PARP8: variants seen among roughly 807,000 people sequenced by gnomAD.
PARP8 encodes poly(ADP-ribose) polymerase family member 8.
In PARP8, 51 loss-of-function variants were observed where a neutral mutation model predicts 124.1. The ratio of observed to expected loss-of-function variants is 0.41; its 90% CI spans 0.33 to 0.52. The LOEUF (loss-of-function observed/expected upper bound fraction) is 0.52. Among genes scored for constraint, PARP8 ranks in the 20% least tolerant of loss-of-function variants. PARP8 has a pLI of 0.21. For synonymous variants in PARP8, 391 were observed against 361.5 expected (o/e 1.08, Z -0.93); for missense variants, 860 against 1,018.9 (o/e 0.84, Z 2.12).
chr5:50,783,260 T>G (rs993501240), intron 9 of PARP8, among the ~76,000 whole-genome samples: 6 of 152,088 alleles, frequency 3.9e-5, no homozygotes, highest in African/African-American at 1.4e-4. Flanking sequence ...TTGATTCTCT[T>G]TCTCTTTCTC....
intron 7 of PARP8, among the ~76,000 whole-genome samples, chr5:50,764,938 CAT>C (rs776390816): frequency 5.9e-5 from 9 of 151,490 alleles, no homozygotes; most frequent in Admixed American, 1.3e-4. Flanking sequence ...CATAATACAA[CAT>C]AGACTTCAAC....
At chr5:50,780,742 A>G (rs1189546151) in intron 9 of PARP8, among the ~76,000 whole-genome samples, 2 of 152,164 alleles carry the variant, frequency 1.3e-5, no homozygotes, top group African/African-American at 4.8e-5. Flanking sequence ...ATACCTGATA[A>G]TGACTTTTTG....
At chr5:50,807,458 CA>C (rs1743981471) in intron 14 of PARP8, among the ~76,000 whole-genome samples, 1 of 152,038 alleles carries the variant, frequency 6.6e-6, no homozygotes, top group Admixed American at 6.6e-5. Context: ...AAACCAAATG[CA>C]TAGTTCTCTC....
chr5:50,753,343 G>A (rs1416183495), intron 3 of PARP8, among the ~76,000 whole-genome samples: 3 of 151,992 alleles, frequency 2.0e-5, no homozygotes, highest in Admixed American at 1.3e-4. Flanking sequence ...AAAGAGTCTT[G>A]ACCTACATGA....
At chr5:50,681,485 G>A (rs1342734990) in intron 2 of PARP8, among the ~76,000 whole-genome samples, 1 of 151,854 alleles carries the variant, frequency 6.6e-6, no homozygotes, top group African/African-American at 2.4e-5. Flanking sequence ...CATGAGGGAT[G>A]GTAACATTCC....
chr5:50,762,776 A>T (rs940805040), intron 6 of PARP8, among the ~76,000 whole-genome samples: 1 of 152,198 alleles, frequency 6.6e-6, no homozygotes, highest in African/African-American at 2.4e-5. Flanking sequence ...TACCAGTATA[A>T]CATTTTAACA....
chr5:50,820,256 CT>C (rs1474235195), intron 15 of PARP8, among the ~76,000 whole-genome samples: 1 of 152,182 alleles, frequency 6.6e-6, no homozygotes, highest in Non-Finnish European at 1.5e-5. Context: ...CCCCCTCTTA[CT>C]GTGCATTTTT....
At chr5:50,721,808 A>T (rs896330040) in intron 2 of PARP8, among the ~76,000 whole-genome samples, 30 of 152,130 alleles carry the variant, frequency 2.0e-4, no homozygotes, top group African/African-American at 7.2e-4. Flanking sequence ...ATTGGTTGGT[A>T]AGAACTCATG....
chr5:50,675,422 A>C (rs1420133669), intron 2 of PARP8, among the ~76,000 whole-genome samples: 1 of 152,128 alleles, frequency 6.6e-6, no homozygotes, highest in Non-Finnish European at 1.5e-5. Context: ...CTCCCGTCTC[A>C]GTCTCTCAAG....
intron 2 of PARP8, among the ~76,000 whole-genome samples, chr5:50,701,962 GT>G (rs1753644203): frequency 6.6e-6 from 1 of 152,104 alleles, no homozygotes; most frequent in African/African-American, 2.4e-5. Context: ...TAATTGGGGA[GT>G]TATAATCATT....
intron 14 of PARP8, among the ~76,000 whole-genome samples, chr5:50,812,863 T>C (rs1744623003): frequency 1.3e-5 from 2 of 152,184 alleles, no homozygotes; most frequent in Non-Finnish European, 2.9e-5. Context: ...CCTTTCCCTA[T>C]TTCTTGTTTT....
chr5:50,712,673 T>G (rs1754888179), intron 2 of PARP8, among the ~76,000 whole-genome samples: 1 of 151,978 alleles, frequency 6.6e-6, no homozygotes, highest in Non-Finnish European at 1.5e-5. Flanking sequence ...AGGGATGAGA[T>G]AAAGCAGCAA....
At chr5:50,772,672 C>G (rs1329829368) in intron 7 of PARP8, among the ~76,000 whole-genome samples, 1 of 151,876 alleles carries the variant, frequency 6.6e-6, no homozygotes, top group Non-Finnish European at 1.5e-5. Flanking sequence ...ACATTCGGGT[C>G]TTTTGCCTTT....
At chr5:50,667,581 C>T (rs1165485982) in intron 1 of PARP8, 1 of 698,892 alleles carries the variant, frequency 1.4e-6, no homozygotes, top group East Asian at 2.7e-5. Flanking sequence ...GGAATGGAGC[C>T]TGCTGCGCTG....
chr5:50,756,494 A>G (rs550237250), intron 3 of PARP8, among the ~76,000 whole-genome samples: 1 of 152,318 alleles, frequency 6.6e-6, no homozygotes, highest in Admixed American at 6.5e-5. Context: ...AAAAGCCAAC[A>G]GAATGGATTC....
intron 15 of PARP8, among the ~76,000 whole-genome samples, chr5:50,816,167 T>C (rs992434713): frequency 4.6e-5 from 7 of 152,148 alleles, no homozygotes; most frequent in African/African-American, 1.4e-4. Context: ...CAAAGAATAG[T>C]ATGGCAGATC....
intron 10 of PARP8, 28 bp downstream of exon 10, chr5:50,788,617 A>T (rs1394908316): frequency 6.4e-7 from 1 of 1,564,754 alleles, no homozygotes; most frequent in Non-Finnish European, 8.8e-7. Context: ...CAAAAAATAA[A>T]TTTCTGCTAA....
chr5:50,845,947 T>G lies in PARP8; in HGVS notation c.*3879T>G, dbSNP rs1358103557. The G allele has an allele frequency of 6.6e-6, 1 of 151,802 alleles. No homozygotes were observed. The highest frequency in any genetic ancestry group is 1.5e-5 in the Non-Finnish European group (1 of 67,802). 9.4% of individuals were successfully genotyped at this position (151,802 alleles called of 1,614,324 possible). ...CCCAGTAAATTCTTCTTGGGAATTT[T>G]GTATACATTATGGAATATTAGGATA... On this transcript the variant is annotated 3_prime_UTR_variant, in exon 26 of 26. Transcript: ENST00000281631.
chr5:50,751,302 A>G (rs776072217), intron 3 of PARP8, among the ~76,000 whole-genome samples: 1 of 152,154 alleles, frequency 6.6e-6, no homozygotes, highest in Non-Finnish European at 1.5e-5. Context: ...GGAAATGCCA[A>G]TATACAAACA....
Sources: gnomAD v4.1 joint callset for allele counts (sites outside exome capture counted in the v4.1 genomes callset) on GRCh38, gnomAD v4.1.1 for gene constraint, MANE v1.5 for transcripts, NCBI Gene and HGNC (gene_info 2026-07-23, HGNC 2026-07-21) for gene names.